The following PCDHGB4 variants were observed in gnomAD, a reference collection of about 807,000 sequenced individuals.
The protein encoded by PCDHGB4 is protocadherin gamma-B4.
PCDHGB4 carries 38 observed loss-of-function variants against 60.5 expected under a neutral mutation model. The ratio of observed to expected loss-of-function variants is 0.63; its 90% CI spans 0.48 to 0.82. The LOEUF (loss-of-function observed/expected upper bound fraction) is 0.82. PCDHGB4 is among the 40% of genes least tolerant of loss of function. The pLI, the probability that PCDHGB4 is intolerant of heterozygous loss-of-function variation, is 0.00. For missense variants in PCDHGB4, 1,109 were observed against 1,209.6 expected (o/e 0.92, Z 1.23); for synonymous variants, 456 against 509.7 (o/e 0.89, Z 1.42).
intron 3 of PCDHGB4, among the ~76,000 whole-genome samples, chr5:141,509,807 C>T (rs369661041): frequency 2.0e-5 from 3 of 152,104 alleles, no homozygotes; most frequent in Non-Finnish European, 4.4e-5. Context: ...TTCATAGAGC[C>T]GAGCTCTTCT....
In PCDHGB4 at chr5:141,390,215, A is replaced by G; in HGVS notation, c.2331A>G (p.Ile777Met). 6.2e-7 allele frequency: 1 copy of G among 1,614,038 alleles called. No individual in the cohort carries two copies. The change falls in exon 1 of 4, where the codon ATA (isoleucine) becomes ATG (methionine). Residue 777 changes from isoleucine (I) to methionine (M), a missense_variant. By Grantham distance (10) the Ile-to-Met change is conservative. Coordinates refer to ENST00000519479, the MANE Select transcript of PCDHGB4 (RefSeq NM_003736.4). ...CSEQLSSGQDILCGDSSGALF... is the reference protein window; with the variant it reads ...CSEQLSSGQDMLCGDSSGALF... ...AGCAGTTGAGTTCAGGACAAGACAT[A>G]CTTTGCGGTGATTCATCTGGGGCCT...
chr5:141,436,087 T>C (rs927404291), intron 1 of PCDHGB4, among the ~76,000 whole-genome samples: 1 of 152,198 alleles, frequency 6.6e-6, no homozygotes, highest in Non-Finnish European at 1.5e-5. Flanking sequence ...CTATAGGTAA[T>C]ATTGAGAGAA....
rs2097542578 is a variant in PCDHGB4 at position 141,432,849 on chromosome 5, T to C, written c.2397+42568T>C. On this transcript the variant is annotated intron_variant, in intron 1 of 3. Coordinates refer to ENST00000519479, the MANE Select transcript of PCDHGB4 (RefSeq NM_003736.4). The surrounding 1 kb of genome is among the most constrained non-coding windows in gnomAD (Gnocchi z 6.0). ...CTCACTCTGTACCTGGTGGTAGCGG[T>C]GGCCGCGGTCTCCTGCGTCTTCCTG... 2 of 1,614,076 alleles carry C rather than the reference T, an allele frequency of 1.2e-6. No individual in the cohort carries two copies. Among genetic ancestry groups the C allele is most frequent in the South Asian group, 1.1e-5 (1 of 91,096 alleles).
intron 2 of PCDHGB4, among the ~76,000 whole-genome samples, chr5:141,498,789 C>T (rs1302940884): frequency 6.6e-6 from 1 of 151,980 alleles, no homozygotes; most frequent in Non-Finnish European, 1.5e-5. Context: ...AAATATTAGC[C>T]AGGTGTGGTG....
Position 141,477,032 on chromosome 5 carries a change from A to G in PCDHGB4, c.2398-17775A>G, listed in dbSNP as rs1026169829. 2 of 1,614,134 alleles carry G rather than the reference A, an allele frequency of 1.2e-6. No homozygotes were observed. Among genetic ancestry groups the G allele is most frequent in the Non-Finnish European group, 1.7e-6 (2 of 1,180,044 alleles). ...AGACCTTGTAACCGGGATGCTGACA[A>G]TCAAGGGTCGGCTGGACTTCGAGGA... On this transcript the variant is annotated intron_variant, in intron 1 of 3. Transcript: ENST00000519479. This position sits in a 1 kb window ranked among gnomAD's most constrained non-coding sequence, Gnocchi z 4.9.
intron 1 of PCDHGB4, chr5:141,441,653 G>T: frequency 4.1e-6 from 1 of 243,884 alleles, no homozygotes; most frequent in Non-Finnish European, 8.2e-6. Context: ...GATTCTAGGT[G>T]TCCTTGAGCG....
At chr5:141,434,713 T>C (rs1377558306) in intron 1 of PCDHGB4, among the ~76,000 whole-genome samples, 1 of 152,088 alleles carries the variant, frequency 6.6e-6, no homozygotes, top group Non-Finnish European at 1.5e-5. Flanking sequence ...GGTAAATCTC[T>C]GTTCAGGGCT....
At chr5:141,483,967 G>C (rs2099589454) in intron 1 of PCDHGB4, among the ~76,000 whole-genome samples, 1 of 149,276 alleles carries the variant, frequency 6.7e-6, no homozygotes, top group African/African-American at 2.5e-5. Flanking sequence ...TTCTGTGCTT[G>C]TGCAAGGGAG....
At chr5:141,506,487 G>A (rs1265051912) in intron 3 of PCDHGB4, among the ~76,000 whole-genome samples, 3 of 150,464 alleles carry the variant, frequency 2.0e-5, no homozygotes, top group Non-Finnish European at 4.4e-5. Flanking sequence ...TTAGAGGCAG[G>A]CCAATCTGGA....
chr5:141,429,698 A>G (rs1436698608), intron 1 of PCDHGB4, among the ~76,000 whole-genome samples: 2 of 152,228 alleles, frequency 1.3e-5, no homozygotes, highest in Admixed American at 6.5e-5. Flanking sequence ...ATATCTTTAC[A>G]GTATAAATAT....
In PCDHGB4 at chr5:141,477,590, C is replaced by T. The variant is rs1465863595; in HGVS notation, c.2398-17217C>T. On this transcript the variant is annotated intron_variant, in intron 1 of 3. Coordinates refer to ENST00000519479, the MANE Select transcript of PCDHGB4 (RefSeq NM_003736.4). This position sits in a 1 kb window ranked among gnomAD's most constrained non-coding sequence, Gnocchi z 4.9. ...CCCCGACGCCCCGCAGAATGCTCGG[C>T]TTTCTTTCTTTCTCTTGGAGCAAGG... The T allele has an allele frequency of 1.2e-6, 2 of 1,614,122 alleles. No individual in the cohort carries two copies. Among genetic ancestry groups the T allele is most frequent in the South Asian group, 2.2e-5 (2 of 91,080 alleles).
intron 1 of PCDHGB4, among the ~76,000 whole-genome samples, chr5:141,457,067 G>A (rs946526462): frequency 1.3e-5 from 2 of 152,166 alleles, no homozygotes; most frequent in Non-Finnish European, 2.9e-5. Flanking sequence ...CTTTTTGCCA[G>A]TAACTATTAT....
chr5:141,417,940 C>T (rs757819377), intron 1 of PCDHGB4: 2 of 1,613,054 alleles, frequency 1.2e-6, no homozygotes, highest in South Asian at 1.1e-5. Context: ...TGTTCTACCC[C>T]ACGCTGTGTG....
chr5:141,390,396 T>G, intron 1 of PCDHGB4, 115 bp downstream of exon 1: 2 of 1,374,352 alleles, frequency 1.5e-6, no homozygotes, highest in Admixed American at 2.2e-5. Context: ...ATGGATCATT[T>G]TAGGAAAGTT....
intron 1 of PCDHGB4, chr5:141,415,752 T>TG: frequency 1.6e-5 from 22 of 1,372,540 alleles, no homozygotes; most frequent in Middle Eastern, 2.6e-4. Flanking sequence ...TTTTTTTTTT[T>TG]TTTTTTTTTT....
intron 1 of PCDHGB4, among the ~76,000 whole-genome samples, chr5:141,443,297 A>G (rs1208893030): frequency 6.7e-6 from 1 of 148,196 alleles, no homozygotes; most frequent in East Asian, 2.0e-4. Context: ...CCTGGACAGC[A>G]TGGCAAAAAC....
rs561817609 is a variant in PCDHGB4, at chr5:141,496,904, G to A, written c.2456+2039G>A. Among the ~76,000 whole-genome samples, 12 of 137,476 alleles carry A rather than the reference G, an allele frequency of 8.7e-5. 1 individual carries two copies. The South Asian group carries it at 2.0e-3, about 23-fold the overall frequency. The allele number at this position is 137,476 out of a possible 152,430, so 90.2% of individuals were successfully genotyped here. On this transcript the variant is annotated intron_variant, in intron 2 of 3. Transcript: ENST00000519479. ...AGTAACACTTAAAAAAAAAAAAAAA[G>A]GCTGGGCACTGTGGTTCACGCCTGT...
In PCDHGB4 at chr5:141,477,650, A is replaced by G. The variant is rs199931735; in HGVS notation, c.2398-17157A>G. ...CGGGCTAGTGGGTCGCTATTTCACA[A>G]TAAATCGTGACAATGGCATAGTGTC... On this transcript the variant is annotated intron_variant, in intron 1 of 3. Transcript: ENST00000519479. This position sits in a 1 kb window ranked among gnomAD's most constrained non-coding sequence, Gnocchi z 4.9. The G allele has an allele frequency of 6.2e-6, 10 of 1,614,212 alleles. No individual in the cohort carries two copies. The highest frequency in any genetic ancestry group is 2.2e-5 in the East Asian group (1 of 44,888).
rs752999009 is a variant in PCDHGB4, at chr5:141,409,899, C to T, written c.2397+19618C>T. 4 of 1,613,152 alleles carry T rather than the reference C, an allele frequency of 2.5e-6. No individual in the cohort carries two copies. The East Asian group carries it at 8.9e-5, about 36-fold the overall frequency. ...AACGCACCGCGGGTGCTGTACCCAG[C>T]TCTGGGTCCTGACGGCTCCGCGTTC... On this transcript the variant is annotated intron_variant, in intron 1 of 3. Coordinates refer to ENST00000519479, the MANE Select transcript of PCDHGB4 (RefSeq NM_003736.4).
Sources: gnomAD v4.1 joint callset for allele counts (sites outside exome capture counted in the v4.1 genomes callset) on GRCh38, gnomAD v4.1.1 for gene constraint, Gnocchi (gnomAD v3.1) non-coding constraint, MANE v1.5 for transcripts, NCBI Gene and HGNC (gene_info 2026-07-23, HGNC 2026-07-21) for gene names.